Variants in RPL12 observed in about 807,000 individuals in gnomAD.
The protein encoded by RPL12 is ribosomal protein L12, also known as large ribosomal subunit protein uL11.
In RPL12, 10 loss-of-function variants were observed where a neutral mutation model predicts 24.5. That is an observed-to-expected ratio of 0.41 (90% confidence interval 0.25 to 0.69). RPL12 has a LOEUF of 0.69. Among genes scored for constraint, RPL12 ranks in the 30% least tolerant of loss-of-function variants. The probability of loss-of-function intolerance (pLI) is 0.33; values close to 1 mark genes in which losing one functional copy is unlikely to be tolerated. For missense variants in RPL12, 137 were observed against 205.3 expected, an observed-to-expected ratio of 0.67 and a Z score of 2.03; for synonymous variants, 74 against 76.1, an observed-to-expected ratio of 0.97 and a Z score of 0.14.
intron 2 of RPL12, 150 bp downstream of exon 2, chr9:127,450,581 T>C (rs2131976323): frequency 1.7e-6 from 1 of 578,720 alleles, no homozygotes; most frequent in Non-Finnish European, 3.0e-6. Context: ...ACGACCTTCC[T>C]AAGGTACCTA....
Position 127,449,418 on chromosome 9 carries a change from GC to G in RPL12, c.211-57del, listed in dbSNP as rs1183471813. On this transcript the variant is annotated intron_variant, in intron 3 of 6. Coordinates refer to ENST00000361436, the MANE Select transcript of RPL12 (RefSeq NM_000976.4). ...ACCTCCAGTGAATACTGCCATGCAC[GC>G]TGGCTCTCAAAAATCATGGCCACAC... is the stretch of plus-strand genomic sequence containing the variant. 8 of 1,497,742 alleles carry G rather than the reference GC, an allele frequency of 5.3e-6. No individual in the cohort carries two copies. The African/African-American group carries it at 1.1e-4, about 21-fold the overall frequency. The allele number at this position is 1,497,742 out of a possible 1,614,324, so 92.8% of individuals were successfully genotyped here.
rs201208415 is a variant in RPL12 at position 127,448,375 on chromosome 9, C to T, written c.341G>A (p.Arg114Gln). 3.7e-5 allele frequency: 60 copies of T among 1,613,872 alleles called. No homozygotes were observed. The highest frequency in any genetic ancestry group is 1.2e-4 in the Admixed American group (7 of 59,988). ...ITFDEIVNIA[R>Q]QMRHRSLARE... is the part of the protein sequence containing the mutation. ...GGCTAAGGATCGGTGCCGCATCTGT[C>T]GAGCAATGTTGACAATCTCATCAAA... Residue 114 changes from arginine (R) to glutamine (Q), a missense_variant, in exon 5 of 7, where the codon CGA becomes CAA. Transcript: ENST00000361436.
chr9:127,450,551 C>G (rs894034411), intron 2 of RPL12, 180 bp downstream of exon 2: 6 of 548,792 alleles, frequency 1.1e-5, no homozygotes, highest in Non-Finnish European at 2.0e-5. Context: ...TTTAAAGGCA[C>G]CAGGTTCGAT....
intron 4 of RPL12, 44 bp downstream of exon 4, chr9:127,449,237 T>G: frequency 6.5e-7 from 1 of 1,527,136 alleles, no homozygotes; most frequent in Non-Finnish European, 9.0e-7. Context: ...ATCAAACATC[T>G]CACAAACCAT....
chr9:127,449,004 T>G, intron 4 of RPL12: 1 of 365,484 alleles, frequency 2.7e-6, no homozygotes, highest in Non-Finnish European at 5.3e-6. Flanking sequence ...TTTTGTATTT[T>G]TTGGTGGAGA....
chr9:127,451,371 T>A lies in RPL12; in HGVS notation c.-54A>T. 6.2e-7 allele frequency: 1 copy of A among 1,608,486 alleles called. No individual in the cohort carries two copies. The highest frequency in any genetic ancestry group is 1.1e-5 in the South Asian group (1 of 90,756). On this transcript the variant is annotated 5_prime_UTR_variant, in exon 1 of 7. Coordinates refer to ENST00000361436, the MANE Select transcript of RPL12 (RefSeq NM_000976.4). ...CGGATTCGGGACGACCGAAGGAAGT[T>A]GCACCTTGGCCTCCTCCGAGCCGAA...
chr9:127,451,005 G>A (rs1834293820), intron 1 of RPL12: 3 of 639,638 alleles, frequency 4.7e-6, no homozygotes, highest in Non-Finnish European at 8.0e-6. Flanking sequence ...CCCGTCGCCC[G>A]CTAACCCAGG....
chr9:127,449,969 T>G (rs1479247106), intron 2 of RPL12: 3 of 449,532 alleles, frequency 6.7e-6, no homozygotes, highest in Non-Finnish European at 1.2e-5. Flanking sequence ...TTTTCAGCCC[T>G]GCTGACATTA....
chr9:127,449,976 A>G (rs372077339), intron 2 of RPL12: 6 of 431,706 alleles, frequency 1.4e-5, no homozygotes, highest in African/African-American at 6.0e-5. Flanking sequence ...CCCTGCTGAC[A>G]TTAGAATCAC....
chr9:127,448,105 T>G (rs1029230704), intron 5 of RPL12, 116 bp from the exon 6 acceptor site: 10 of 1,267,686 alleles, frequency 7.9e-6, no homozygotes, highest in Non-Finnish European at 9.8e-6. Flanking sequence ...AGGTTCCTGC[T>G]CCCCTAATAT....
chr9:127,451,200 C>T (rs997597266), intron 1 of RPL12, 81 bp downstream of exon 1: 18 of 1,561,910 alleles, frequency 1.2e-5, no homozygotes, highest in Non-Finnish European at 1.5e-5. Context: ...TTTAAGAGCC[C>T]CATACGGGGA....
chr9:127,448,260 T>TTCAA (rs1834206670), intron 5 of RPL12, 77 bp downstream of exon 5: 1 of 1,252,698 alleles, frequency 8.0e-7, no homozygotes, highest in Non-Finnish European at 1.2e-6. Context: ...CTGAGCACCC[T>TTCAA]TCAAGTAAGA....
intron 1 of RPL12, 51 bp from the exon 2 acceptor site, chr9:127,450,855 G>T: frequency 7.4e-7 from 1 of 1,349,426 alleles, no homozygotes; most frequent in Non-Finnish European, 1.0e-6. Context: ...CCGAGCCACA[G>T]CCCTCTCAGC....
At chr9:127,451,043 G>C (rs564944677) in intron 1 of RPL12, 3 of 655,272 alleles carry the variant, frequency 4.6e-6, no homozygotes, top group Non-Finnish European at 7.7e-6. Context: ...CCGGAGACAA[G>C]CCTTACCCTA....
Position 127,449,903 on chromosome 9 carries a change from T to G in RPL12, c.112-195A>C. 5 of 588,250 alleles carry G rather than the reference T, an allele frequency of 8.5e-6. 1 individual carries two copies. The South Asian group carries it at 9.7e-5, about 11-fold the overall frequency. The allele number at this position is 588,250 out of a possible 1,614,324, so 36.4% of individuals were successfully genotyped here. On this transcript the variant is annotated intron_variant, in intron 2 of 6. Transcript: ENST00000361436. Reference sequence around the variant, plus strand: ...TGTCCAGAACTGTAAACTGCAGACTTGGCCACAATGTAACCTAGACCCCCT... The same window carrying G: ...TGTCCAGAACTGTAAACTGCAGACTGGGCCACAATGTAACCTAGACCCCCT...
In RPL12 at chr9:127,449,759, C is replaced by T. The variant is rs746441464; in HGVS notation, c.112-51G>A. 2.8e-6 allele frequency: 4 copies of T among 1,423,988 alleles called. No homozygotes were observed. The African/African-American group carries it at 5.6e-5, about 20-fold the overall frequency. 88.2% of individuals were successfully genotyped at this position (1,423,988 alleles called of 1,614,324 possible). A position where few individuals can be genotyped will look rare whatever the true frequency, so the allele number is the denominator to read the frequency against. On this transcript the variant is annotated intron_variant, in intron 2 of 6. Transcript: ENST00000361436. ...ATGGTGTCCAGAGGTGAACCACAGCCTTGAAACCTGCCCACCACTTCTCAC... is the reference window on the plus strand; with the variant it reads ...ATGGTGTCCAGAGGTGAACCACAGCTTTGAAACCTGCCCACCACTTCTCAC...
intron 4 of RPL12, 193 bp from the exon 5 acceptor site, chr9:127,448,616 A>G (rs769865461): frequency 5.3e-6 from 4 of 755,782 alleles, no homozygotes; most frequent in African/African-American, 3.4e-5. Context: ...AGACCTGGTC[A>G]GGTGCAGTGG....
Position 127,449,632 on chromosome 9 carries a change from G to A in RPL12, c.188C>T (p.Thr63Ile). 6.2e-7 allele frequency: 1 copy of A among 1,614,102 alleles called. No homozygotes were observed. ...TACCTGGGCCTGTCTGTTCTGAATG[G>A]TCAGTTTCACTGTAATCCTCAGGCC... is the stretch of plus-strand genomic sequence containing the variant. ...WKGLRITVKL[T>I]IQNRQAQIEV... is the part of the protein sequence containing the mutation. The change falls in exon 3 of 7, where the codon ACC becomes ATC. Residue 63 changes from threonine to isoleucine, a missense_variant. This residue lies in a region of RPL12 where 118 missense variants were observed against 160.7 expected (regional missense o/e 0.73). Transcript: ENST00000361436.
chr9:127,451,119 G>A (rs547765163), intron 1 of RPL12, 162 bp downstream of exon 1: 22 of 961,166 alleles, frequency 2.3e-5, no homozygotes, highest in South Asian at 2.1e-4. Context: ...ACGTGAAGAA[G>A]CTAAGGCCCA....
Sources: allele counts gnomAD v4.1 joint callset, GRCh38; gene constraint gnomAD v4.1.1; regional missense constraint gnomAD v4.1.1; transcripts MANE v1.5; gene names NCBI Gene and HGNC (gene_info 2026-07-23, HGNC 2026-07-21).